The following MACROD2 variants were observed in gnomAD, a reference collection of about 807,000 sequenced individuals.
MACROD2 encodes the protein mono-ADP ribosylhydrolase 2.
A neutral mutation model predicts 70.4 loss-of-function variants in MACROD2; 36 were observed. The observed-to-expected ratio is 0.51, with a 90% CI of 0.39 to 0.68. MACROD2 has a LOEUF of 0.68. Among genes scored for constraint, MACROD2 ranks in the 30% least tolerant of loss-of-function variants. The pLI, the probability that MACROD2 is intolerant of heterozygous loss-of-function variation, is 0.00. For synonymous variants in MACROD2, 172 were observed against 178.8 expected (o/e 0.96, Z 0.30); for missense variants, 496 against 538.4 (o/e 0.92, Z 0.78).
intron 6 of MACROD2, among the ~76,000 whole-genome samples, chr20:15,361,061 G>C (rs1290228000): frequency 6.6e-6 from 1 of 151,536 alleles, no homozygotes; most frequent in Non-Finnish European, 1.5e-5. Flanking sequence ...TTTACATTTT[G>C]ATAAAGTTTA....
At chr20:14,563,642 A>AT (rs1172609174) in intron 4 of MACROD2, among the ~76,000 whole-genome samples, 1 of 151,996 alleles carries the variant, frequency 6.6e-6, no homozygotes, top group Non-Finnish European at 1.5e-5. Flanking sequence ...CAATGGTAAC[A>AT]TTTTCTGAAT....
intron 3 of MACROD2, among the ~76,000 whole-genome samples, chr20:14,450,079 A>C (rs2084227876): frequency 1.3e-5 from 2 of 152,140 alleles, no homozygotes; most frequent in Non-Finnish European, 2.9e-5. Flanking sequence ...AAATTATAAA[A>C]AACAAAAAAG....
At chr20:14,325,232 A>T (rs1431848691) in intron 3 of MACROD2, 1 of 183,160 alleles carries the variant, frequency 5.5e-6, no homozygotes, top group Non-Finnish European at 1.1e-5. Context: ...TCACTTTCAC[A>T]GTCAACAAGT....
At chr20:15,038,445 G>A (rs2075330825) in intron 5 of MACROD2, among the ~76,000 whole-genome samples, 1 of 152,166 alleles carries the variant, frequency 6.6e-6, no homozygotes, top group Admixed American at 6.5e-5. Context: ...CTTTCCAAAA[G>A]TTTTTTGATG....
intron 2 of MACROD2, among the ~76,000 whole-genome samples, chr20:14,036,469 T>C (rs1315231973): frequency 6.6e-6 from 1 of 152,142 alleles, no homozygotes; most frequent in East Asian, 1.9e-4. Context: ...TTTCTCTTAA[T>C]AAATACAAAG....
At chr20:15,177,461 C>T (rs1350696488) in intron 5 of MACROD2, among the ~76,000 whole-genome samples, 1 of 152,228 alleles carries the variant, frequency 6.6e-6, no homozygotes, top group Non-Finnish European at 1.5e-5. Flanking sequence ...AAAAATACAA[C>T]TCTGCCATTC....
At chr20:15,841,609 G>T (rs1323147723) in intron 8 of MACROD2, among the ~76,000 whole-genome samples, 2 of 152,074 alleles carry the variant, frequency 1.3e-5, no homozygotes, top group Non-Finnish European at 2.9e-5. Context: ...TTACGGGATG[G>T]TGCTAAGACA....
intron 5 of MACROD2, among the ~76,000 whole-genome samples, chr20:14,951,559 G>C (rs532752097): frequency 6.6e-6 from 1 of 152,184 alleles, no homozygotes; most frequent in South Asian, 2.1e-4. Flanking sequence ...CCACATATTT[G>C]TTATCCCTAT....
chr20:15,517,658 C>G (rs1011764975), intron 8 of MACROD2, among the ~76,000 whole-genome samples: 1 of 152,132 alleles, frequency 6.6e-6, no homozygotes, highest in Non-Finnish European at 1.5e-5. Flanking sequence ...GTATGCCAGA[C>G]AGCAATCAGC....
chr20:14,068,116 G>C lies in MACROD2; in HGVS notation c.164-17505G>C, dbSNP rs113362528. Among the ~76,000 whole-genome samples the C allele has an allele frequency of 4.6e-5, 7 of 152,316 alleles. No homozygotes were observed. In the East Asian group the frequency reaches 5.8e-4, roughly 13 times the overall value. On this transcript the variant is annotated intron_variant, in intron 2 of 17. Coordinates refer to ENST00000684519, the MANE Select transcript of MACROD2 (RefSeq NM_001351661.2). The stretch of plus-strand genomic sequence containing the variant: ...CAATGCTGAACGCTCTCATGCGCAT[G>C]ATTTTTCTCTTGAGTGCTCGCCCTT...
intron 15 of MACROD2, among the ~76,000 whole-genome samples, chr20:15,997,555 G>T (rs111552634): frequency 3.7e-4 from 57 of 152,122 alleles, no homozygotes; most frequent in African/African-American, 1.3e-3. Flanking sequence ...TTCGAATTCG[G>T]CAAGTTTAAT....
chr20:15,002,018 TTG>T (rs1437774503), intron 5 of MACROD2, among the ~76,000 whole-genome samples: 4 of 152,130 alleles, frequency 2.6e-5, no homozygotes, highest in Non-Finnish European at 5.9e-5. Context: ...AGTTGATTGA[TTG>T]GCATTCGGGC....
chr20:14,232,566 C>G (rs1476449408), intron 3 of MACROD2, among the ~76,000 whole-genome samples: 2 of 152,326 alleles, frequency 1.3e-5, no homozygotes, highest in Non-Finnish European at 2.9e-5. Flanking sequence ...AGGAACCTAC[C>G]TCCGCTAGCT....
At chr20:14,418,410 T>C (rs1005890984) in intron 3 of MACROD2, among the ~76,000 whole-genome samples, 2 of 152,184 alleles carry the variant, frequency 1.3e-5, no homozygotes, top group African/African-American at 4.8e-5. Flanking sequence ...TTAGCATGTG[T>C]TGGAACCATC....
At chr20:13,999,767 A>C (rs2052708174) in intron 1 of MACROD2, among the ~76,000 whole-genome samples, 1 of 152,230 alleles carries the variant, frequency 6.6e-6, no homozygotes, top group African/African-American at 2.4e-5. Context: ...AGCTCTGTTA[A>C]CCACTTTTCC....
At position 15,456,033 on chromosome 20, in the gene MACROD2, G is replaced by T. The variant is rs184250721; in HGVS notation, c.571+24598G>T. Among the ~76,000 whole-genome samples, 23 of 152,308 alleles carry T rather than the reference G, an allele frequency of 1.5e-4. 1 individual carries two copies. Among genetic ancestry groups the T allele is most frequent in the Admixed American group, 1.2e-3 (19 of 15,286 alleles). On this transcript the variant is annotated intron_variant, in intron 7 of 17. Coordinates refer to ENST00000684519, the MANE Select transcript of MACROD2 (RefSeq NM_001351661.2). ...CTTGCAGCAGGATGTCTCCGCGAAA[G>T]TGGGCTTTTAACCATTTCCTTTTAA...
In MACROD2 at chr20:14,818,589, T is replaced by A. The variant is rs373618319; in HGVS notation, c.418+133630T>A. On this transcript the variant is annotated intron_variant, in intron 5 of 17. Coordinates refer to ENST00000684519, the MANE Select transcript of MACROD2 (RefSeq NM_001351661.2). The stretch of plus-strand genomic sequence containing the variant: ...TTCACCTATGAAAGAAAATAGGGAG[T>A]CTGCCTGCCAAAATTCTAGTTTTAT... Among the ~76,000 whole-genome samples, 6 of 152,016 alleles carry A rather than the reference T, an allele frequency of 3.9e-5. No homozygotes were observed. The East Asian group carries it at 9.7e-4, about 25-fold the overall frequency.
intron 3 of MACROD2, among the ~76,000 whole-genome samples, chr20:14,094,115 G>C (rs1175804236): frequency 6.6e-6 from 1 of 152,054 alleles, no homozygotes; most frequent in Non-Finnish European, 1.5e-5. Context: ...AAGTTTAAGG[G>C]GGAGACTGGA....
At chr20:15,777,456 C>T (rs779206984) in intron 8 of MACROD2, among the ~76,000 whole-genome samples, 1 of 150,296 alleles carries the variant, frequency 6.7e-6, no homozygotes, top group Admixed American at 6.6e-5. Flanking sequence ...TTTTTCATCA[C>T]ACTGTTGGTT....
Sources: gnomAD v4.1 joint callset for allele counts (sites outside exome capture counted in the v4.1 genomes callset) on GRCh38, gnomAD v4.1.1 for gene constraint, MANE v1.5 for transcripts, NCBI Gene and HGNC (gene_info 2026-07-23, HGNC 2026-07-21) for gene names.